Variants in IQCM observed in about 807,000 individuals in gnomAD.
The protein encoded by IQCM is IQ domain-containing protein M.
A neutral mutation model predicts 57.6 loss-of-function variants in IQCM; 45 were observed. The ratio of observed to expected loss-of-function variants is 0.78; its 90% confidence interval spans 0.62 to 1.00. The LOEUF is 1.00. Ranked by LOEUF, IQCM falls within the 50% of genes least tolerant of loss-of-function variation. The pLI is 0.00. For missense variants in IQCM, 468 were observed against 511.6 expected (o/e 0.91, Z 0.82); for synonymous variants, 148 against 158.9 (o/e 0.93, Z 0.51).
At chr4:149,568,165 T>C (rs1019641056) in intron 9 of IQCM, among the ~76,000 whole-genome samples, 8 of 152,130 alleles carry the variant, frequency 5.3e-5, no homozygotes, top group African/African-American at 1.7e-4. Flanking sequence ...GGAAGTCCCC[T>C]CTCTGATTTC....
At chr4:149,496,160 G>A (rs1251478619) in intron 12 of IQCM, among the ~76,000 whole-genome samples, 1 of 152,032 alleles carries the variant, frequency 6.6e-6, no homozygotes, top group Non-Finnish European at 1.5e-5. Context: ...GAGTATGGGG[G>A]TGAAATGGGA....
chr4:149,630,095 G>A (rs1229974672), intron 7 of IQCM, among the ~76,000 whole-genome samples: 1 of 152,168 alleles, frequency 6.6e-6, no homozygotes, highest in Admixed American at 6.5e-5. Flanking sequence ...GCTTTAGAAA[G>A]CTTTGGTCTC....
chr4:149,535,523 G>C (rs146255584), intron 12 of IQCM, among the ~76,000 whole-genome samples: 412 of 152,082 alleles, frequency 2.7e-3, no homozygotes, highest in African/African-American at 9.6e-3. Context: ...CAAAAGTCCT[G>C]CTCTCTAACA....
chr4:149,654,305 G>A (rs1437027575), intron 7 of IQCM, among the ~76,000 whole-genome samples: 1 of 152,090 alleles, frequency 6.6e-6, no homozygotes, highest in Non-Finnish European at 1.5e-5. Flanking sequence ...TGTTGGAGAT[G>A]GGGTGTGGTA....
chr4:149,521,338 GA>G (rs1265218864), intron 12 of IQCM, among the ~76,000 whole-genome samples: 2 of 152,096 alleles, frequency 1.3e-5, no homozygotes. Context: ...GGAAGGGAGG[GA>G]GGGGAAAAAT....
At chr4:149,508,864 C>A (rs1327426670) in intron 12 of IQCM, among the ~76,000 whole-genome samples, 1 of 152,090 alleles carries the variant, frequency 6.6e-6, no homozygotes, top group Non-Finnish European at 1.5e-5. Context: ...TGGGAAAGAC[C>A]CAGTGGGAGG....
intron 12 of IQCM, among the ~76,000 whole-genome samples, chr4:149,519,666 C>CT (rs1745404116): frequency 6.7e-6 from 1 of 149,638 alleles, no homozygotes; most frequent in South Asian, 2.1e-4. Context: ...AGATTGCTTT[C>CT]TTAAAAATGT....
intron 5 of IQCM, among the ~76,000 whole-genome samples, chr4:149,688,800 A>G (rs1161682412): frequency 6.6e-6 from 1 of 151,904 alleles, no homozygotes; most frequent in Non-Finnish European, 1.5e-5. Flanking sequence ...AATAAACCCT[A>G]ATATTTACAG....
intron 8 of IQCM, among the ~76,000 whole-genome samples, chr4:149,602,545 T>C (rs1188646800): frequency 6.6e-6 from 1 of 152,168 alleles, no homozygotes; most frequent in Non-Finnish European, 1.5e-5. Context: ...ACATCTAATA[T>C]ACCAAATTCT....
intron 13 of IQCM, among the ~76,000 whole-genome samples, chr4:149,368,888 A>ATACATATATACACG: frequency 3.3e-5 from 2 of 60,660 alleles, no homozygotes; most frequent in South Asian, 7.6e-4. Context: ...GTGTATATAT[A>ATACATATATACACG]TGTATATATA....
intron 5 of IQCM, among the ~76,000 whole-genome samples, chr4:149,708,459 G>A (rs770166454): frequency 7.3e-5 from 11 of 151,104 alleles, no homozygotes; most frequent in Non-Finnish European, 1.0e-4. Context: ...AAAAAGACAA[G>A]TATACCAATA....
chr4:149,555,350 C>T (rs1412734141), intron 10 of IQCM, among the ~76,000 whole-genome samples: 1 of 151,066 alleles, frequency 6.6e-6, no homozygotes, highest in African/African-American at 2.4e-5. Flanking sequence ...ATGACTCATA[C>T]CTCTTCTGTT....
intron 1 of IQCM, 103 bp from the exon 2 acceptor site, chr4:149,815,451 C>G (rs1383609269): frequency 6.6e-6 from 1 of 151,816 alleles, no homozygotes; most frequent in East Asian, 1.9e-4. Flanking sequence ...AATTTATAAA[C>G]ATAATTTTAT....
At chr4:149,788,282 T>G (rs976963780) in intron 2 of IQCM, among the ~76,000 whole-genome samples, 1 of 152,072 alleles carries the variant, frequency 6.6e-6, no homozygotes, top group Non-Finnish European at 1.5e-5. Context: ...TGCAGTGAGC[T>G]GAGATTGCAC....
In IQCM at chr4:149,592,234, T is replaced by C. The variant is rs1243792318; in HGVS notation, c.682-4237A>G. Among the ~76,000 whole-genome samples, 4 of 152,206 alleles carry C rather than the reference T, an allele frequency of 2.6e-5. No individual in the cohort carries two copies. The East Asian group carries it at 5.8e-4, about 22-fold the overall frequency. On this transcript the variant is annotated intron_variant, in intron 8 of 13. Transcript: ENST00000636793. Reference sequence around the variant, plus strand: ...TGATGAGCATTTTTTCATATACCTGTTGGCTGCATAAATGTCTTCTTTTGA... The same window carrying C: ...TGATGAGCATTTTTTCATATACCTGCTGGCTGCATAAATGTCTTCTTTTGA...
chr4:149,396,807 C>A (rs1293208098), intron 13 of IQCM, among the ~76,000 whole-genome samples: 1 of 152,154 alleles, frequency 6.6e-6, no homozygotes, highest in Non-Finnish European at 1.5e-5. Context: ...TGTAACCATG[C>A]AGTATCTGTC....
At chr4:149,394,791 C>T (rs1273671324) in intron 13 of IQCM, among the ~76,000 whole-genome samples, 2 of 151,972 alleles carry the variant, frequency 1.3e-5, no homozygotes, top group African/African-American at 4.8e-5. Context: ...AAAAGATTTA[C>T]TATAGTTTTG....
chr4:149,448,427 C>G (rs1037241190), intron 12 of IQCM, among the ~76,000 whole-genome samples: 3 of 151,412 alleles, frequency 2.0e-5, no homozygotes, highest in Non-Finnish European at 4.4e-5. Flanking sequence ...AAGAGCCAAG[C>G]TTTTGCCTTA....
chr4:149,583,567 G>A (rs2654792), intron 9 of IQCM, among the ~76,000 whole-genome samples: 151,661 of 151,668 alleles, frequency 1, 75,827 homozygotes, highest in Non-Finnish European at 1. Context: ...CAAAGCATTA[G>A]CAGCTCACTG....
Sources: allele counts gnomAD v4.1 joint callset (sites outside exome capture counted in the v4.1 genomes callset), GRCh38; gene constraint gnomAD v4.1.1; transcripts MANE v1.5; gene names NCBI Gene and HGNC (gene_info 2026-07-23, HGNC 2026-07-21).